DPF3: variants seen among roughly 807,000 people sequenced by gnomAD.
DPF3 encodes zinc finger protein DPF3.
A neutral mutation model predicts 56.8 loss-of-function variants in DPF3; 18 were observed. That is an observed-to-expected ratio of 0.32 (90% CI 0.22 to 0.47). The LOEUF is 0.47. Ranked by LOEUF, DPF3 falls within the 20% of genes least tolerant of loss-of-function variation. The pLI is 1.00. For missense variants in DPF3, 403 were observed against 488.8 expected, an observed-to-expected ratio of 0.82 and a Z score of 1.65; for synonymous variants, 188 against 180.2, an observed-to-expected ratio of 1.04 and a Z score of -0.35.
Position 72,630,624 on chromosome 14 carries a change from G to T in DPF3, c.872-888C>A, listed in dbSNP as rs958025800. On this transcript the variant is annotated intron_variant, in intron 8 of 10. Transcript: ENST00000556509. Reference sequence around the variant, plus strand: ...ACGGCCATGAACTGTAGAATGCAAAGACCCTTGGCCTTCTATGTGGCATGG... The same window carrying T: ...ACGGCCATGAACTGTAGAATGCAAATACCCTTGGCCTTCTATGTGGCATGG... 1.1e-4 allele frequency among the ~76,000 whole-genome samples: 16 copies of T among 152,278 alleles called. 1 individual carries two copies. In the South Asian group the frequency reaches 3.3e-3, roughly 32 times the overall value.
intron 1 of DPF3, among the ~76,000 whole-genome samples, chr14:72,812,788 C>T (rs1479325789): frequency 6.6e-6 from 1 of 152,160 alleles, no homozygotes; most frequent in Non-Finnish European, 1.5e-5. Context: ...GGCCCAAGCT[C>T]TGTTTGCCTG....
intron 1 of DPF3, among the ~76,000 whole-genome samples, chr14:72,892,942 TGGAAGGAAGGAA>T (rs61598180): frequency 0.13 from 16,978 of 132,256 alleles, 2,596 homozygotes; most frequent in Non-Finnish European, 0.15. Context: ...TTCCACTGAC[TGGAAGGAAGGAA>T]GGAAGGAAGG....
intron 1 of DPF3, among the ~76,000 whole-genome samples, chr14:72,863,058 TTATATATATATATATATA>T (rs58405648): frequency 0.14 from 20,059 of 139,140 alleles, 1,877 homozygotes; most frequent in East Asian, 0.33. Flanking sequence ...ATTATTCCAT[TTATATATATATATATATA>T]TATATATATA....
At chr14:72,850,631 A>G (rs1171132846) in intron 1 of DPF3, among the ~76,000 whole-genome samples, 1 of 152,116 alleles carries the variant, frequency 6.6e-6, no homozygotes, top group Non-Finnish European at 1.5e-5. Flanking sequence ...TTCAACACAC[A>G]GGTCACAAAC....
At chr14:72,833,434 A>G (rs1043823553) in intron 1 of DPF3, among the ~76,000 whole-genome samples, 5 of 152,230 alleles carry the variant, frequency 3.3e-5, no homozygotes, top group African/African-American at 1.2e-4. Context: ...AGCTCCAGAA[A>G]GAAGCCCAGG....
chr14:72,820,370 C>G (rs1339103111), intron 1 of DPF3, among the ~76,000 whole-genome samples: 1 of 152,092 alleles, frequency 6.6e-6, no homozygotes, highest in Non-Finnish European at 1.5e-5. Context: ...AAAATTAAAG[C>G]AATGAAATAC....
At chr14:72,846,549 G>T (rs1252334051) in intron 1 of DPF3, among the ~76,000 whole-genome samples, 1 of 151,520 alleles carries the variant, frequency 6.6e-6, no homozygotes, top group Non-Finnish European at 1.5e-5. Flanking sequence ...TGTTAGCCAG[G>T]ATGGTCTCAA....
At chr14:72,695,326 C>T (rs1010007839) in intron 6 of DPF3, among the ~76,000 whole-genome samples, 6 of 152,176 alleles carry the variant, frequency 3.9e-5, no homozygotes, top group Non-Finnish European at 5.9e-5. Context: ...GGGCTGTCAG[C>T]ATTTTTTGCT....
chr14:72,814,080 T>C (rs1161292196), intron 1 of DPF3, among the ~76,000 whole-genome samples: 1 of 151,266 alleles, frequency 6.6e-6, no homozygotes, highest in East Asian at 1.9e-4. Flanking sequence ...GCAGGGCCAC[T>C]TTTTTTAAAA....
chr14:72,702,966 G>A (rs1294506118), intron 6 of DPF3, among the ~76,000 whole-genome samples: 10 of 152,282 alleles, frequency 6.6e-5, no homozygotes, highest in South Asian at 2.1e-4. Flanking sequence ...ATACTAACCC[G>A]CTATGCACCC....
intron 1 of DPF3, chr14:72,892,203 G>A (rs1886779545): frequency 1.3e-6 from 2 of 1,535,450 alleles, no homozygotes; most frequent in South Asian, 1.2e-5. Context: ...GCATCAGCCC[G>A]GTTATGTGAT....
chr14:72,662,724 G>A, intron 8 of DPF3: 3 of 992,982 alleles, frequency 3.0e-6, no homozygotes, highest in Non-Finnish European at 3.6e-6. Context: ...GGCAAGGGAA[G>A]AGGAAGAAGA....
chr14:72,874,072 T>A (rs868340715), intron 1 of DPF3, among the ~76,000 whole-genome samples: 6 of 129,790 alleles, frequency 4.6e-5, no homozygotes, highest in African/African-American at 8.5e-5. Context: ...TAAAGTATGA[T>A]AAAAAAAAAA....
chr14:72,661,845 T>C (rs1202988737), intron 8 of DPF3: 1 of 970,792 alleles, frequency 1.0e-6, no homozygotes, highest in Admixed American at 7.1e-5. Context: ...GCTGATGCTT[T>C]TATTTTTGCT....
intron 8 of DPF3, among the ~76,000 whole-genome samples, chr14:72,633,622 T>C (rs768498753): frequency 2.0e-5 from 3 of 152,126 alleles, no homozygotes; most frequent in Non-Finnish European, 4.4e-5. Context: ...CCTTGCTCAA[T>C]AAAGACCCCG....
At chr14:72,646,377 C>T (rs1885722454) in intron 8 of DPF3, among the ~76,000 whole-genome samples, 1 of 152,320 alleles carries the variant, frequency 6.6e-6, no homozygotes, top group South Asian at 2.1e-4. Flanking sequence ...GTCCACCTGA[C>T]TCCAAGCCCA....
At chr14:72,846,259 T>C (rs79193119) in intron 1 of DPF3, among the ~76,000 whole-genome samples, 21 of 150,526 alleles carry the variant, frequency 1.4e-4, no homozygotes, top group African/African-American at 4.9e-4. Flanking sequence ...TACAGGCACG[T>C]GCCACCACAC....
Position 72,771,832 on chromosome 14 carries a change from A to T in DPF3, c.94T>A (p.Cys32Ser). 1 of 1,613,322 alleles carries T rather than the reference A, an allele frequency of 6.2e-7. No homozygotes were observed. The highest frequency in any genetic ancestry group is 8.5e-7 in the Non-Finnish European group (1 of 1,179,508). The change falls in exon 2 of 11, where the codon TGT becomes AGT. Residue 32 changes from cysteine (C) to serine (S), a missense_variant. Around this residue, in one of 2 missense-constraint regions of DPF3, gnomAD observed 340 missense variants for 374.3 expected, o/e 0.91. Coordinates refer to ENST00000556509, the MANE Select transcript of DPF3 (RefSeq NM_001280542.3). ...GGAAGACGCACGCTGCGCTCTGCAC[A>T]CAGCCGTGAGTTGTAACTCCGGCAG... ...EHCRSYNSRL[C>S]AERSVRLPFL...
At chr14:72,640,526 G>A (rs1199417681) in intron 8 of DPF3, among the ~76,000 whole-genome samples, 2 of 152,194 alleles carry the variant, frequency 1.3e-5, no homozygotes, top group Non-Finnish European at 2.9e-5. Flanking sequence ...AGGGGCATTA[G>A]TCCAGGGCAG....
Sources: allele counts gnomAD v4.1 joint callset (sites outside exome capture counted in the v4.1 genomes callset), GRCh38; gene constraint gnomAD v4.1.1; regional missense constraint gnomAD v4.1.1; transcripts MANE v1.5; gene names NCBI Gene and HGNC (gene_info 2026-07-23, HGNC 2026-07-21).